The following EYS variants were observed in gnomAD, a reference collection of about 807,000 sequenced individuals.
EYS encodes protein eyes shut homolog.
In EYS, 250 loss-of-function variants were observed where a neutral mutation model predicts 282.1. The ratio of observed to expected loss-of-function variants is 0.89; its 90% CI spans 0.80 to 0.98. The LOEUF (loss-of-function observed/expected upper bound fraction) is 0.98. Among genes scored for constraint, EYS ranks in the 50% least tolerant of loss-of-function variants. The pLI, the probability that EYS is intolerant of heterozygous loss-of-function variation, is 0.00. For synonymous variants in EYS, 1,355 were observed against 1,282.9 expected, an observed-to-expected ratio of 1.06 and a Z score of -1.20; for missense variants, 4,016 against 3,709.0, an observed-to-expected ratio of 1.08 and a Z score of -2.15.
At chr6:64,241,375 G>T (rs1766822839) in intron 30 of EYS, among the ~76,000 whole-genome samples, 1 of 151,998 alleles carries the variant, frequency 6.6e-6, no homozygotes, top group South Asian at 2.1e-4. Flanking sequence ...ATCTGGTTTT[G>T]GACTTTTTTT....
In EYS at chr6:64,822,752, A is replaced by T; in HGVS notation, c.3063T>A (p.Asp1021Glu). The change falls in exon 20 of 43, where the codon GAT (aspartate) becomes GAA (glutamate). Residue 1021 changes from aspartate to glutamate, a missense_variant. Transcript: ENST00000503581. Reference protein sequence around the residue: ...EPCLHDGVCIDGINHYTCDCK... With the variant: ...EPCLHDGVCIEGINHYTCDCK... ...AGTCACAGGTATAATGATTGATGCC[A>T]TCGATACAAACTCCATCATGGAGAC... The T allele has an allele frequency of 6.5e-7, 1 of 1,550,208 alleles. No homozygotes were observed. Among genetic ancestry groups the T allele is most frequent in the Non-Finnish European group, 8.7e-7 (1 of 1,146,048 alleles).
At chr6:64,139,447 T>C (rs758814949) in intron 31 of EYS, among the ~76,000 whole-genome samples, 3 of 152,256 alleles carry the variant, frequency 2.0e-5, no homozygotes, top group Non-Finnish European at 4.4e-5. Context: ...AAATCAGTTA[T>C]AATTAAAAAT....
At chr6:65,157,093 T>G (rs1764747013) in intron 12 of EYS, among the ~76,000 whole-genome samples, 1 of 151,098 alleles carries the variant, frequency 6.6e-6, no homozygotes, top group South Asian at 2.1e-4. Flanking sequence ...CTTCATTGAC[T>G]CCTTAAAATA....
At chr6:64,543,639 T>A (rs1194788874) in intron 26 of EYS, among the ~76,000 whole-genome samples, 1 of 152,132 alleles carries the variant, frequency 6.6e-6, no homozygotes, top group Non-Finnish European at 1.5e-5. Flanking sequence ...AGAGCACCAA[T>A]CAACTTTACC....
chr6:65,059,304 A>C (rs973860018), intron 12 of EYS, among the ~76,000 whole-genome samples: 1 of 152,124 alleles, frequency 6.6e-6, no homozygotes. Flanking sequence ...AATCAGTCTG[A>C]GTTTGACTCC....
At chr6:63,914,733 A>AGT in intron 35 of EYS, among the ~76,000 whole-genome samples, 1 of 148,910 alleles carries the variant, frequency 6.7e-6, no homozygotes, top group East Asian at 2.0e-4. Context: ...AAAAAAAAAA[A>AGT]GCAAAACAAC....
chr6:64,759,655 T>C (rs1019642045), intron 22 of EYS, among the ~76,000 whole-genome samples: 1 of 152,108 alleles, frequency 6.6e-6, no homozygotes, highest in African/African-American at 2.4e-5. Context: ...TAAAAATATA[T>C]TTAAAATCAA....
At chr6:63,824,458 T>C (rs1173670336) in intron 36 of EYS, among the ~76,000 whole-genome samples, 2 of 152,138 alleles carry the variant, frequency 1.3e-5, no homozygotes, top group African/African-American at 2.4e-5. Context: ...CTTAGCTTCA[T>C]AAAAAATTAA....
chr6:65,139,147 C>A (rs934453081), intron 12 of EYS, among the ~76,000 whole-genome samples: 2 of 152,024 alleles, frequency 1.3e-5, no homozygotes, highest in Non-Finnish European at 2.9e-5. Flanking sequence ...TTCATCGCAG[C>A]ACTATTCACA....
intron 16 of EYS, among the ~76,000 whole-genome samples, chr6:64,911,800 A>G (rs1768000530): frequency 6.6e-6 from 1 of 152,130 alleles, no homozygotes. Context: ...AACAGTGAAC[A>G]TGTACCTAAA....
chr6:64,710,121 A>T (rs1359432115), intron 22 of EYS, among the ~76,000 whole-genome samples: 2 of 152,238 alleles, frequency 1.3e-5, no homozygotes, highest in Admixed American at 1.3e-4. Flanking sequence ...AAATAGGGAC[A>T]TGATTATTAA....
chr6:64,242,149 G>A (rs1054924368), intron 30 of EYS, among the ~76,000 whole-genome samples: 4 of 152,110 alleles, frequency 2.6e-5, no homozygotes, highest in African/African-American at 9.7e-5. Flanking sequence ...TGTTGACTTG[G>A]AGTGGAGAGT....
In EYS at chr6:65,473,631, T is replaced by A. The variant is rs1765295853; in HGVS notation, c.862+16963A>T. Among the ~76,000 whole-genome samples the A allele has an allele frequency of 2.6e-5, 4 of 152,108 alleles. No homozygotes were observed. In the South Asian group the frequency reaches 8.3e-4, roughly 32 times the overall value. ...ATATTTATATTTTAGATACAAGATC[T>A]AACTAAACTTCAGAATAATTATCTT... On this transcript the variant is annotated intron_variant, in intron 5 of 42. Coordinates refer to ENST00000503581, the MANE Select transcript of EYS (RefSeq NM_001142800.2).
rs4710457 is a variant in EYS, at chr6:63,984,461, C to T, written c.6977G>A (p.Arg2326Gln). 0.36 allele frequency: 553,024 copies of T among 1,548,378 alleles called. 99,961 individuals carry two copies. Among genetic ancestry groups the T allele is most frequent in the African/African-American group, 0.38 (27,795 of 72,768 alleles). ...GCAGTTCTCAATATTCTTTCCATGT[C>T]GTGCTTCATCGATGATGAAGAATTC... Reference protein sequence around the residue: ...NKEFFIIDEARHGKNIENCHV... With the variant: ...NKEFFIIDEAQHGKNIENCHV... Residue 2326 changes from arginine (R) to glutamine (Q), a missense_variant, in exon 35 of 43, where the codon CGA (arginine) becomes CAA (glutamine). Physicochemically the swap from Arg to Gln is conservative, Grantham distance 43. Coordinates refer to ENST00000503581, the MANE Select transcript of EYS (RefSeq NM_001142800.2).
chr6:65,048,172 TC>T lies in EYS; in HGVS notation c.2137+9441del, dbSNP rs568867053. ...AACAAATCTTGCTTTTGTCTCACGT[TC>T]CCCCTATTTAGCCTCGTTTCTCCTT... On this transcript the variant is annotated intron_variant, in intron 13 of 42. Coordinates refer to ENST00000503581, the MANE Select transcript of EYS (RefSeq NM_001142800.2). Among the ~76,000 whole-genome samples the T allele has an allele frequency of 2.7e-3, 406 of 151,978 alleles. 1 individual carries two copies. Among genetic ancestry groups the T allele is most frequent in the African/African-American group, 9.5e-3 (395 of 41,510 alleles).
chr6:65,609,162 T>TCAC (rs1765906196), intron 2 of EYS, among the ~76,000 whole-genome samples: 1 of 151,970 alleles, frequency 6.6e-6, no homozygotes, highest in African/African-American at 2.4e-5. Flanking sequence ...TTCACCATCA[T>TCAC]CACCACAAGC....
intron 31 of EYS, among the ~76,000 whole-genome samples, chr6:64,226,669 T>G (rs1582453119): frequency 6.6e-6 from 1 of 152,068 alleles, no homozygotes; most frequent in African/African-American, 2.4e-5. Flanking sequence ...GGCAACAAGG[T>G]TTAGCTAATA....
intron 30 of EYS, among the ~76,000 whole-genome samples, chr6:64,278,098 G>A (rs1422573093): frequency 1.3e-5 from 2 of 152,112 alleles, no homozygotes; most frequent in East Asian, 3.8e-4. Flanking sequence ...CAGCATTATA[G>A]CTCTTACAGC....
At chr6:64,714,440 A>C (rs992918522) in intron 22 of EYS, among the ~76,000 whole-genome samples, 1 of 151,856 alleles carries the variant, frequency 6.6e-6, no homozygotes, top group Non-Finnish European at 1.5e-5. Context: ...AGTTTTTAAA[A>C]TTTTCATCTA....
Sources: gnomAD v4.1 joint callset for allele counts (sites outside exome capture counted in the v4.1 genomes callset) on GRCh38, gnomAD v4.1.1 for gene constraint, MANE v1.5 for transcripts, NCBI Gene and HGNC (gene_info 2026-07-23, HGNC 2026-07-21) for gene names.